Variants in MYH16 observed in about 807,000 individuals in gnomAD.
MYH16 encodes myosin heavy chain 16.
intron 13 of MYH16, among the ~76,000 whole-genome samples, chr7:99,262,899 C>A (rs1463522506): frequency 6.6e-6 from 1 of 152,198 alleles, no homozygotes; most frequent in Non-Finnish European, 1.5e-5. Flanking sequence ...AAAGAGATTT[C>A]TTCACGTAGC....
chr7:99,305,882 T>C (rs1331405984), exon 41 of MYH16: 1 of 152,796 alleles, frequency 6.5e-6, no homozygotes, highest in Non-Finnish European at 1.5e-5. Flanking sequence ...AAACAGCACG[T>C]GGAGACAGTC....
chr7:99,295,176 C>T (rs1174235983), intron 33 of MYH16, among the ~76,000 whole-genome samples: 4 of 151,796 alleles, frequency 2.6e-5, no homozygotes, highest in African/African-American at 9.7e-5. Context: ...CTCAGGAGTT[C>T]GACACCAGCC....
intron 40 of MYH16, chr7:99,305,530 GCATGGCCTATAAAAGC>G (rs1792667054): frequency 6.6e-6 from 1 of 152,346 alleles, no homozygotes; most frequent in East Asian, 1.9e-4. Flanking sequence ...GACAATCACA[GCATGGCCTATAAAAGC>G]CAGAGCCCAC....
downstream of MYH16, chr7:99,310,636 CTG>C (rs1792747524): frequency 6.6e-6 from 1 of 152,226 alleles, no homozygotes; most frequent in African/African-American, 2.4e-5. Context: ...TCCCAGGGAG[CTG>C]TCTTTCCAGC....
chr7:99,304,297 C>T (rs997558688), intron 39 of MYH16, among the ~76,000 whole-genome samples: 1 of 152,166 alleles, frequency 6.6e-6, no homozygotes. Flanking sequence ...ACCCTCCATG[C>T]TGTGCCCCTC....
At chr7:99,292,235 G>A (rs1413196411) in intron 31 of MYH16, 77 bp from the exon 13 acceptor site, 1 of 409,584 alleles carries the variant, frequency 2.4e-6, no homozygotes, top group Non-Finnish European at 5.0e-6. Flanking sequence ...TGCTGCTCCA[G>A]TGTTACGTGT....
At chr7:99,273,943 T>A (rs757512477) in intron 20 of MYH16, among the ~76,000 whole-genome samples, 2 of 152,068 alleles carry the variant, frequency 1.3e-5, no homozygotes, top group Non-Finnish European at 2.9e-5. Context: ...AGCAAGTGTC[T>A]TTCTGCCTTC....
At chr7:99,242,808 T>C (rs1337346821) in intron 1 of MYH16, among the ~76,000 whole-genome samples, 1 of 151,948 alleles carries the variant, frequency 6.6e-6, no homozygotes, top group African/African-American at 2.4e-5. Context: ...GAGAGAGAAA[T>C]GGAAAAGCTC....
exon 1 of MYH16, chr7:99,238,965 A>G (rs1563100643): frequency 6.5e-6 from 1 of 152,768 alleles, no homozygotes; most frequent in African/African-American, 2.4e-5. Context: ...AAAGATGAGA[A>G]GGAAGGCTTC....
At chr7:99,289,156 CA>C (rs1792331821) in intron 29 of MYH16, 130 bp from the exon 11 acceptor site, 1 of 184,808 alleles carries the variant, frequency 5.4e-6, no homozygotes, top group Admixed American at 6.4e-5. Flanking sequence ...GTTTCTGAGA[CA>C]GGGGCATACC....
chr7:99,298,567 T>TG (rs1792538593), intron 36 of MYH16, among the ~76,000 whole-genome samples: 1 of 152,200 alleles, frequency 6.6e-6, no homozygotes, highest in Non-Finnish European at 1.5e-5. Context: ...TTAGCCATGA[T>TG]GGTTAATGAA....
chr7:99,264,624 C>T (rs1584345026), intron 15 of MYH16, among the ~76,000 whole-genome samples: 1 of 151,986 alleles, frequency 6.6e-6, no homozygotes, highest in Non-Finnish European at 1.5e-5. Context: ...GCATTACCTT[C>T]CAAAGTGCAG....
At chr7:99,280,971 G>A in exon 23 of MYH16, 1 of 408,006 alleles carries the variant, frequency 2.5e-6, no homozygotes, top group Non-Finnish European at 4.9e-6. Context: ...CCCTAGAGGA[G>A]CTGCACCAGG....
intron 39 of MYH16, among the ~76,000 whole-genome samples, chr7:99,303,806 C>G (rs1445542941): frequency 6.6e-6 from 1 of 152,050 alleles, no homozygotes; most frequent in Non-Finnish European, 1.5e-5. Context: ...TGTCTCAGAA[C>G]ATGAAATAAT....
At chr7:99,273,891 A>AAAGG (rs1243648293) in intron 20 of MYH16, among the ~76,000 whole-genome samples, 1 of 148,818 alleles carries the variant, frequency 6.7e-6, no homozygotes, top group Admixed American at 6.7e-5. Flanking sequence ...GGGAGAGATG[A>AAAGG]AAGGGAGAGA....
chr7:99,257,797 C>A (rs1041518978), intron 10 of MYH16, among the ~76,000 whole-genome samples: 5 of 152,082 alleles, frequency 3.3e-5, no homozygotes, highest in Non-Finnish European at 7.3e-5. Flanking sequence ...ACAGTGCACG[C>A]CACCACGCCT....
intron 33 of MYH16, among the ~76,000 whole-genome samples, chr7:99,294,783 C>G (rs569193176): frequency 6.6e-6 from 1 of 152,098 alleles, no homozygotes; most frequent in African/African-American, 2.4e-5. Flanking sequence ...CCAGGCTGGT[C>G]TCGAACTCCT....
At chr7:99,285,077 C>T (rs898535080) in intron 26 of MYH16, 142 bp downstream of exon 8, 20 of 404,724 alleles carry the variant, frequency 4.9e-5, no homozygotes, top group Admixed American at 1.1e-4. Flanking sequence ...CCATGTTCCC[C>T]TCACTAGGGG....
At chr7:99,302,207 A>G (rs1298747986) in intron 38 of MYH16, among the ~76,000 whole-genome samples, 3 of 151,406 alleles carry the variant, frequency 2.0e-5, no homozygotes, top group African/African-American at 7.3e-5. Context: ...AGGAGGCTGA[A>G]GCAGGAGAAT....
Sources: allele counts gnomAD v4.1 joint callset (sites outside exome capture counted in the v4.1 genomes callset), GRCh38; gene constraint gnomAD v4.1.1; transcripts MANE v1.5; gene names NCBI Gene and HGNC (gene_info 2026-07-23, HGNC 2026-07-21).